The following NGEF variants were observed in gnomAD, a reference collection of about 807,000 sequenced individuals.
NGEF encodes ephexin-1.
A neutral mutation model predicts 80.9 loss-of-function variants in NGEF; 31 were observed. That is an observed-to-expected ratio of 0.38 (90% CI 0.29 to 0.52). NGEF has a LOEUF of 0.52. Among genes scored for constraint, NGEF ranks in the 20% least tolerant of loss-of-function variants. The pLI is 0.84. For missense variants in NGEF, 709 were observed against 926.2 expected (o/e 0.77, Z 3.04); for synonymous variants, 371 against 370.2 (o/e 1.00, Z -0.03).
chr2:232,881,706 C>T (rs974101614), intron 13 of NGEF, among the ~76,000 whole-genome samples: 10 of 152,056 alleles, frequency 6.6e-5, no homozygotes, highest in African/African-American at 2.4e-4. Context: ...CCTCAGCTTC[C>T]AAGTAGTTAG....
At chr2:232,907,355 T>A (rs181348034) in intron 5 of NGEF, among the ~76,000 whole-genome samples, 2 of 152,160 alleles carry the variant, frequency 1.3e-5, no homozygotes, top group Admixed American at 6.5e-5. Flanking sequence ...AAAAAGAGAG[T>A]TCCTGACAAC....
chr2:232,894,682 C>T (rs1163284126), intron 6 of NGEF, 74 bp downstream of exon 6: 3 of 1,354,116 alleles, frequency 2.2e-6, no homozygotes, highest in Non-Finnish European at 3.0e-6. Flanking sequence ...GAGCACTTGT[C>T]ATCAGTGTCT....
chr2:232,905,091 TCTCTCTC>T lies in NGEF; in HGVS notation c.829-10182_829-10176del, dbSNP rs549709819. ...CTCCTCTCCCCTCTCCCCTCTCCCC[TCTCTCTC>T]CTCTCACCTCTCACCTCTCCTCTCC... On this transcript the variant is annotated intron_variant, in intron 5 of 14. Transcript: ENST00000264051. Among the ~76,000 whole-genome samples the T allele has an allele frequency of 3.7e-3, 558 of 151,664 alleles. 2 individuals carry two copies. Among genetic ancestry groups the T allele is most frequent in the Admixed American group, 0.011 (162 of 15,246 alleles).
chr2:232,914,792 G>A (rs1575013509), intron 5 of NGEF, among the ~76,000 whole-genome samples: 1 of 151,972 alleles, frequency 6.6e-6, no homozygotes, highest in East Asian at 1.9e-4. Context: ...GCTGAGGTGG[G>A]TGGATCACGA....
chr2:232,883,404 T>A lies in NGEF; in HGVS notation c.1664A>T (p.Asp555Val), dbSNP rs1157789051. The change falls in exon 12 of 15, where the codon GAC (aspartate) becomes GTC (valine). Residue 555 changes from aspartate (D) to valine (V), a missense_variant. By Grantham distance (152) the Asp-to-Val change is radical. Coordinates refer to ENST00000264051, the MANE Select transcript of NGEF (RefSeq NM_019850.3). ...CACGTTGGCCAGCGTCTGGCCCTGGTCCTCCAGCTCCTCCACACGCAGCAG... is the reference window on the plus strand; with the variant it reads ...CACGTTGGCCAGCGTCTGGCCCTGGACCTCCAGCTCCTCCACACGCAGCAG... ...RGLLRVEELEDQGQTLANVFI... is the reference protein window; with the variant it reads ...RGLLRVEELEVQGQTLANVFI... The A allele has an allele frequency of 1.2e-6, 2 of 1,610,924 alleles. No homozygotes were observed.
intron 4 of NGEF, 27 bp from the exon 5 acceptor site, chr2:232,920,612 A>C (rs1441150825): frequency 5.3e-6 from 8 of 1,505,450 alleles, no homozygotes; most frequent in Non-Finnish European, 6.2e-6. Context: ...GTAAAAAAGA[A>C]AAGGAAAAGA....
Position 232,934,477 on chromosome 2 carries a change from A to C in NGEF, c.384-7291T>G, listed in dbSNP as rs552915168. Among the ~76,000 whole-genome samples, 13 of 152,216 alleles carry C rather than the reference A, an allele frequency of 8.5e-5. No homozygotes were observed. In the East Asian group the frequency reaches 2.3e-3, roughly 27 times the overall value. Reference sequence around the variant, plus strand: ...AGTCTTCCAGTAAAAAATAAGCTAAAAATATCTTTGTAATTATAAAATCAG... The same window carrying C: ...AGTCTTCCAGTAAAAAATAAGCTAACAATATCTTTGTAATTATAAAATCAG... On this transcript the variant is annotated intron_variant, in intron 3 of 14. Coordinates refer to ENST00000264051, the MANE Select transcript of NGEF (RefSeq NM_019850.3).
At chr2:232,914,974 G>T (rs1046584530) in intron 5 of NGEF, among the ~76,000 whole-genome samples, 5 of 148,290 alleles carry the variant, frequency 3.4e-5, no homozygotes, top group African/African-American at 1.2e-4. Flanking sequence ...CCGAGATTGT[G>T]CCACTGCTCT....
intron 1 of NGEF, among the ~76,000 whole-genome samples, chr2:232,999,321 G>GA (rs1694922116): frequency 1.3e-5 from 2 of 152,078 alleles, no homozygotes; most frequent in Non-Finnish European, 2.9e-5. Context: ...TATAAAAATT[G>GA]GATATAGAGT....
intron 14 of NGEF, among the ~76,000 whole-genome samples, chr2:232,880,433 C>T (rs917825375): frequency 6.6e-6 from 1 of 152,198 alleles, no homozygotes; most frequent in Non-Finnish European, 1.5e-5. Flanking sequence ...CAGGAGAGCC[C>T]CTGGGCCTTT....
At chr2:232,919,908 G>A (rs73995724) in intron 5 of NGEF, among the ~76,000 whole-genome samples, 11,885 of 152,164 alleles carry the variant, frequency 0.078, 576 homozygotes, top group East Asian at 0.17. Flanking sequence ...GCAGACCTCC[G>A]CCAACCACAG....
At chr2:232,927,913 C>G in intron 3 of NGEF, 1 of 1,323,244 alleles carries the variant, frequency 7.6e-7, no homozygotes, top group Non-Finnish European at 9.6e-7. Context: ...GGTGTCCCGC[C>G]GCCGAGTCGC....
At chr2:232,943,474 T>C (rs1693480051) in intron 3 of NGEF, among the ~76,000 whole-genome samples, 1 of 151,676 alleles carries the variant, frequency 6.6e-6, no homozygotes, top group Admixed American at 6.6e-5. Flanking sequence ...GACTGTATAG[T>C]TGCCTTAAAG....
intron 5 of NGEF, among the ~76,000 whole-genome samples, chr2:232,916,249 C>T (rs1692800417): frequency 6.6e-6 from 1 of 152,212 alleles, no homozygotes; most frequent in Non-Finnish European, 1.5e-5. Flanking sequence ...GTCTTCAGCT[C>T]CTTATCTGTG....
intron 3 of NGEF, among the ~76,000 whole-genome samples, chr2:232,941,755 C>T (rs560847073): frequency 1.3e-5 from 2 of 152,284 alleles, no homozygotes; most frequent in South Asian, 4.2e-4. Flanking sequence ...TGATGGACTG[C>T]TTTGTAGTCT....
At chr2:232,979,673 A>G (rs1056849185) in intron 1 of NGEF, among the ~76,000 whole-genome samples, 70 of 152,196 alleles carry the variant, frequency 4.6e-4, no homozygotes, top group African/African-American at 1.4e-3. Flanking sequence ...GGTGCAGCTC[A>G]TGGTGCACTT....
intron 3 of NGEF, among the ~76,000 whole-genome samples, chr2:232,963,743 G>A (rs992569501): frequency 2.0e-5 from 3 of 152,064 alleles, no homozygotes; most frequent in Non-Finnish European, 4.4e-5. Context: ...GAACCTGGGA[G>A]GCAAGGTTGC....
chr2:232,906,280 C>T (rs867294144), intron 5 of NGEF, among the ~76,000 whole-genome samples: 8 of 125,902 alleles, frequency 6.4e-5, no homozygotes, highest in Non-Finnish European at 1.0e-4. Context: ...CGCCTCTGCC[C>T]GGCAGCCCCT....
chr2:232,959,634 C>T (rs1436729781), intron 3 of NGEF, among the ~76,000 whole-genome samples: 3 of 148,700 alleles, frequency 2.0e-5, no homozygotes, highest in Admixed American at 6.8e-5. Context: ...GGCTGGAGTG[C>T]AATGGCGCAA....
Sources: gnomAD v4.1 joint callset for allele counts (sites outside exome capture counted in the v4.1 genomes callset) on GRCh38, gnomAD v4.1.1 for gene constraint, MANE v1.5 for transcripts, NCBI Gene and HGNC (gene_info 2026-07-23, HGNC 2026-07-21) for gene names.